The following EMILIN2 variants were observed in gnomAD, a reference collection of about 807,000 sequenced individuals.
The protein encoded by EMILIN2 is elastin microfibril interfacer 2, also known as EMILIN-2.
Under a neutral mutation model 87.1 loss-of-function variants are expected in EMILIN2, and 71 were observed. The ratio of observed to expected loss-of-function variants is 0.82; its 90% CI spans 0.67 to 0.99. EMILIN2 has a LOEUF of 0.99. Among genes scored for constraint, EMILIN2 ranks in the 50% least tolerant of loss-of-function variants. EMILIN2 has a pLI of 0.00. For missense variants in EMILIN2, 1,407 were observed against 1,371.8 expected, an observed-to-expected ratio of 1.03 and a Z score of -0.40; for synonymous variants, 581 against 563.4, an observed-to-expected ratio of 1.03 and a Z score of -0.44.
chr18:2,867,777 G>A (rs901813272), intron 2 of EMILIN2, among the ~76,000 whole-genome samples: 40 of 152,328 alleles, frequency 2.6e-4, no homozygotes, highest in African/African-American at 9.1e-4. Flanking sequence ...GCAACCATCC[G>A]ATTTCTCAGT....
chr18:2,851,207 G>A (rs949084057), intron 2 of EMILIN2, among the ~76,000 whole-genome samples: 4 of 151,906 alleles, frequency 2.6e-5, no homozygotes, highest in Admixed American at 2.6e-4. Context: ...GGAGGCTGAG[G>A]CGGGAGGATC....
rs1432612756 is a variant in EMILIN2 at position 2,847,129 on chromosome 18, G to A, written c.-60G>A. 4 of 1,067,256 alleles carry A rather than the reference G, an allele frequency of 3.7e-6. No individual in the cohort carries two copies. Among genetic ancestry groups the A allele is most frequent in the Non-Finnish European group, 4.5e-6 (4 of 883,116 alleles). 66.1% of individuals were successfully genotyped at this position (1,067,256 alleles called of 1,614,324 possible). ...CCTGGCCGCCGGCAGCCTTGTGGCCGGTGCCCCGATCCGCCGCGCTCCGGA... is the reference window on the plus strand; with the variant it reads ...CCTGGCCGCCGGCAGCCTTGTGGCCAGTGCCCCGATCCGCCGCGCTCCGGA... On this transcript the variant is annotated 5_prime_UTR_variant, in exon 1 of 8. Coordinates refer to ENST00000254528, the MANE Select transcript of EMILIN2 (RefSeq NM_032048.3). The surrounding 1 kb of genome is among the most constrained non-coding windows in gnomAD (Gnocchi z 4.5).
intron 2 of EMILIN2, among the ~76,000 whole-genome samples, chr18:2,861,372 C>T (rs1013967299): frequency 5.9e-5 from 9 of 152,174 alleles, no homozygotes; most frequent in African/African-American, 2.2e-4. Flanking sequence ...TTAGGTCTAA[C>T]ATTTAAGTCT....
In EMILIN2 at chr18:2,853,822, G is replaced by A. The variant is rs528190395; in HGVS notation, c.257+5891G>A. Among the ~76,000 whole-genome samples, 11 of 152,334 alleles carry A rather than the reference G, an allele frequency of 7.2e-5. No homozygotes were observed. The East Asian group carries it at 1.5e-3, about 21-fold the overall frequency. ...GCTGCATTGCCAGCCTCCCTGTCAG[G>A]GTGGAATGGCAGGAGGGAAGGGCCT... is the stretch of plus-strand genomic sequence containing the variant. On this transcript the variant is annotated intron_variant, in intron 2 of 7. Coordinates refer to ENST00000254528, the MANE Select transcript of EMILIN2 (RefSeq NM_032048.3).
rs780447143 is a variant in EMILIN2, at chr18:2,890,852, A to G, written c.725A>G (p.Asp242Gly). ...HPKPDTTVSG[D>G]TETGQSPGVF... is the part of the protein sequence containing the mutation. ...AAGCCTGACACCACTGTTAGTGGAGACACAGAAACGGGCCAGAGTCCTGGT... is the reference window on the plus strand; with the variant it reads ...AAGCCTGACACCACTGTTAGTGGAGGCACAGAAACGGGCCAGAGTCCTGGT... The change falls in exon 4 of 8, where the codon GAC (aspartate) becomes GGC (glycine). Residue 242 changes from aspartate to glycine, a missense_variant. By Grantham distance (94) the Asp-to-Gly change is moderately conservative (BLOSUM62 -1). Coordinates refer to ENST00000254528, the MANE Select transcript of EMILIN2 (RefSeq NM_032048.3). This position sits in a 1 kb window ranked among gnomAD's most constrained non-coding sequence, Gnocchi z 4.7. 7 of 1,613,916 alleles carry G rather than the reference A, an allele frequency of 4.3e-6. No homozygotes were observed. The highest frequency in any genetic ancestry group is 5.1e-6 in the Non-Finnish European group (6 of 1,180,024).
rs1427882104 is a variant in EMILIN2, at chr18:2,915,254, G to C, written c.*1850G>C. 6.6e-6 allele frequency: 1 copy of C among 152,252 alleles called. No individual in the cohort carries two copies. The highest frequency in any genetic ancestry group is 1.5e-5 in the Non-Finnish European group (1 of 68,078). The allele number at this position is 152,252 out of a possible 1,614,324, so 9.4% of individuals were successfully genotyped here. On this transcript the variant is annotated 3_prime_UTR_variant, in exon 8 of 8. Transcript: ENST00000254528. Reference sequence around the variant, plus strand: ...ATCTCAGCTCTGTGTATTCAAGACAGGCAAAACAGAATATGCCTCATTATG... The same window carrying C: ...ATCTCAGCTCTGTGTATTCAAGACACGCAAAACAGAATATGCCTCATTATG...
chr18:2,888,269 G>A lies in EMILIN2; in HGVS notation c.434-2292G>A, dbSNP rs1319187593. Among the ~76,000 whole-genome samples, 3 of 152,144 alleles carry A rather than the reference G, an allele frequency of 2.0e-5. No individual in the cohort carries two copies. The South Asian group carries it at 6.2e-4, about 32-fold the overall frequency. On this transcript the variant is annotated intron_variant, in intron 3 of 7. Coordinates refer to ENST00000254528, the MANE Select transcript of EMILIN2 (RefSeq NM_032048.3). ...TGCCAAATTATCCTTTGAAAAAAATGCAATTTGCACAGTCACCGTGGTATA... is the reference window on the plus strand; with the variant it reads ...TGCCAAATTATCCTTTGAAAAAAATACAATTTGCACAGTCACCGTGGTATA...
At chr18:2,881,657 A>G (rs1431608430) in intron 2 of EMILIN2, among the ~76,000 whole-genome samples, 1 of 152,202 alleles carries the variant, frequency 6.6e-6, no homozygotes, top group South Asian at 2.1e-4. Flanking sequence ...AGACAGCTTC[A>G]TGCAGGCCTG....
At chr18:2,883,506 A>G (rs1216679258) in intron 2 of EMILIN2, among the ~76,000 whole-genome samples, 1 of 152,222 alleles carries the variant, frequency 6.6e-6, no homozygotes, top group Non-Finnish European at 1.5e-5. Flanking sequence ...TTTGCAAGGC[A>G]GGAAATCACA....
At chr18:2,862,190 T>G (rs4598989) in intron 2 of EMILIN2, among the ~76,000 whole-genome samples, 8,214 of 152,216 alleles carry the variant, frequency 0.054, 745 homozygotes, top group East Asian at 0.48. Context: ...CAGGGACAAT[T>G]TGACTTCCTC....
chr18:2,895,427 C>G (rs2076858768), intron 4 of EMILIN2, among the ~76,000 whole-genome samples: 1 of 152,184 alleles, frequency 6.6e-6, no homozygotes, highest in African/African-American at 2.4e-5. Context: ...TGCTTTATAA[C>G]AACCCATTCC....
rs1362672679 is a variant in EMILIN2 at position 2,890,361 on chromosome 18, G to A, written c.434-200G>A. On this transcript the variant is annotated intron_variant, in intron 3 of 7. Coordinates refer to ENST00000254528, the MANE Select transcript of EMILIN2 (RefSeq NM_032048.3). This position sits in a 1 kb window ranked among gnomAD's most constrained non-coding sequence, Gnocchi z 4.7. ...GCTCAAGGACAAACAGTAAATAGCA[G>A]AGCCAGAATGCAAGTAGAGGTCTAT... Among the ~76,000 whole-genome samples, 1 of 152,200 alleles carries A rather than the reference G, an allele frequency of 6.6e-6. No individual in the cohort carries two copies.
At chr18:2,896,408 T>G (rs1026894972) in intron 4 of EMILIN2, among the ~76,000 whole-genome samples, 14 of 152,084 alleles carry the variant, frequency 9.2e-5, no homozygotes, top group African/African-American at 3.1e-4. Context: ...ACTCCTGACC[T>G]CAGGTGATCC....
At chr18:2,889,759 C>G (rs1009148038) in intron 3 of EMILIN2, among the ~76,000 whole-genome samples, 2 of 140,798 alleles carry the variant, frequency 1.4e-5, no homozygotes, top group African/African-American at 5.3e-5. Flanking sequence ...CCCTTGAACT[C>G]CTGGGCTCAC....
intron 2 of EMILIN2, among the ~76,000 whole-genome samples, chr18:2,877,584 C>G (rs548170652): frequency 3.3e-5 from 5 of 151,730 alleles, no homozygotes; most frequent in African/African-American, 4.8e-5. Flanking sequence ...TGAGACCAGC[C>G]TGACCAACAT....
intron 2 of EMILIN2, among the ~76,000 whole-genome samples, chr18:2,884,750 G>C (rs2076794813): frequency 6.6e-6 from 1 of 152,174 alleles, no homozygotes; most frequent in Non-Finnish European, 1.5e-5. Flanking sequence ...CAGGGCAGGT[G>C]GAGGATTGGG....
Position 2,908,960 on chromosome 18 carries a change from C to T in EMILIN2, c.2680C>T (p.Pro894Ser). ...AGAPGYPKSP[P>S]VASPGAPVPS... Reference sequence around the variant, plus strand: ...TTTTTCAGGATACCCGAAGTCACCTCCTGTAGCTTCCCCAGGTATGTCTGC... The same window carrying T: ...TTTTTCAGGATACCCGAAGTCACCTTCTGTAGCTTCCCCAGGTATGTCTGC... The change falls in exon 6 of 8, where the codon CCT becomes TCT. Residue 894 changes from proline (P) to serine (S), a missense_variant. Physicochemically the swap from Pro to Ser is moderately conservative, Grantham distance 74 (BLOSUM62 -1). Coordinates refer to ENST00000254528, the MANE Select transcript of EMILIN2 (RefSeq NM_032048.3). 7 of 1,613,502 alleles carry T rather than the reference C, an allele frequency of 4.3e-6. No individual in the cohort carries two copies. In the East Asian group the frequency reaches 1.6e-4, roughly 36 times the overall value.
At chr18:2,904,123 A>G in intron 4 of EMILIN2, among the ~76,000 whole-genome samples, 1 of 152,250 alleles carries the variant, frequency 6.6e-6, no homozygotes, top group Non-Finnish European at 1.5e-5. Context: ...TGACAATTAC[A>G]TTCTAGCATT....
chr18:2,846,891 CTT>C (rs1423850835), upstream of EMILIN2: 2 of 988,386 alleles, frequency 2.0e-6, no homozygotes, highest in Non-Finnish European at 2.4e-6. This position sits in a 1 kb window ranked among gnomAD's most constrained non-coding sequence, Gnocchi z 5.3. Context: ...GACGGGGAGA[CTT>C]GGTGGGGGGA....
Sources: gnomAD v4.1 joint callset for allele counts (sites outside exome capture counted in the v4.1 genomes callset) on GRCh38, gnomAD v4.1.1 for gene constraint, Gnocchi (gnomAD v3.1) non-coding constraint, MANE v1.5 for transcripts, NCBI Gene and HGNC (gene_info 2026-07-23, HGNC 2026-07-21) for gene names.